Variants in HDAC4 observed in about 807,000 individuals in gnomAD.
HDAC4 encodes the protein histone deacetylase 4.
In HDAC4, 16 loss-of-function variants were observed where a neutral mutation model predicts 135.1. The ratio of observed to expected loss-of-function variants is 0.12; its 90% CI spans 0.08 to 0.18. The LOEUF is 0.18. HDAC4 is among the 10% of genes least tolerant of loss of function. HDAC4 has a pLI of 1.00. For synonymous variants in HDAC4, 685 were observed against 653.4 expected (o/e 1.05, Z -0.74); for missense variants, 1,143 against 1,511.8 (o/e 0.76, Z 4.05).
chr2:239,270,793 C>T (rs893189383), intron 2 of HDAC4, among the ~76,000 whole-genome samples: 2 of 152,154 alleles, frequency 1.3e-5, no homozygotes, highest in Non-Finnish European at 2.9e-5. Flanking sequence ...GTGAGCAGCA[C>T]GTGCAGACTT....
chr2:239,227,246 GC>G (rs1447449005), intron 3 of HDAC4, among the ~76,000 whole-genome samples: 5 of 152,192 alleles, frequency 3.3e-5, no homozygotes, highest in Admixed American at 2.6e-4. Flanking sequence ...GGCTGGCAGA[GC>G]CCAGGGACTA....
chr2:239,239,819 C>A (rs2048075830), intron 2 of HDAC4, among the ~76,000 whole-genome samples: 1 of 152,206 alleles, frequency 6.6e-6, no homozygotes, highest in African/African-American at 2.4e-5. Context: ...GAAGTGCCTG[C>A]CTCTCGCGGA....
intron 4 of HDAC4, among the ~76,000 whole-genome samples, chr2:239,179,719 T>A (rs2044018227): frequency 6.6e-6 from 1 of 152,166 alleles, no homozygotes; most frequent in South Asian, 2.1e-4. Flanking sequence ...TGAAAAGGAT[T>A]ACATCGGACG....
intron 12 of HDAC4, among the ~76,000 whole-genome samples, chr2:239,118,586 G>A (rs972259507): frequency 2.0e-5 from 3 of 152,204 alleles, no homozygotes; most frequent in African/African-American, 4.8e-5. Flanking sequence ...TGGTGGCCCC[G>A]ATATTCACGG....
At chr2:239,110,512 C>T (rs1040288900) in intron 14 of HDAC4, among the ~76,000 whole-genome samples, 2 of 152,174 alleles carry the variant, frequency 1.3e-5, no homozygotes, top group Non-Finnish European at 2.9e-5. Flanking sequence ...CTCCTGTGAC[C>T]TTCCATGGTT....
intron 9 of HDAC4, among the ~76,000 whole-genome samples, chr2:239,134,860 G>A (rs897200780): frequency 6.6e-6 from 1 of 152,170 alleles, no homozygotes; most frequent in Non-Finnish European, 1.5e-5. Flanking sequence ...CTCCCGATAC[G>A]AGTTCTTCTT....
chr2:239,053,288 GCTC>G, intron 26 of HDAC4, 152 bp from the exon 27 acceptor site: 1 of 1,312,894 alleles, frequency 7.6e-7, no homozygotes. Context: ...AGGATCTAAT[GCTC>G]CTCATGCGTC....
intron 1 of HDAC4, among the ~76,000 whole-genome samples, chr2:239,396,729 A>T (rs1359147825): frequency 6.6e-6 from 1 of 151,880 alleles, no homozygotes; most frequent in African/African-American, 2.4e-5. Context: ...TTTTTAAAAA[A>T]CTCTTATCCT....
In HDAC4 at chr2:239,190,062, G is replaced by C. The variant is rs761550650; in HGVS notation, c.110C>G (p.Ala37Gly). 6.9e-6 allele frequency: 11 copies of C among 1,600,950 alleles called. No individual in the cohort carries two copies. The highest frequency in any genetic ancestry group is 3.3e-5 in the South Asian group (3 of 90,984). The change falls in exon 4 of 27, where the codon GCG becomes GGG. Residue 37 changes from alanine (A) to glycine (G), a missense_variant. Physicochemically the swap from Ala to Gly is moderately conservative, Grantham distance 60. Transcript: ENST00000543185. ...HMPSTVDVAT[A>G]LPLQVAPSAV... ...CGAGGGGGCCACTTGCAGAGGCAGC[G>C]CCGTGGCCACATCCACTGTGGGAAA...
intron 16 of HDAC4, among the ~76,000 whole-genome samples, chr2:239,098,432 C>G (rs1326646939): frequency 1.3e-5 from 2 of 152,242 alleles, no homozygotes; most frequent in African/African-American, 4.8e-5. Context: ...AGGAGGCCCT[C>G]GCTGTGCCAA....
chr2:239,062,534 C>T (rs988513877), intron 24 of HDAC4, among the ~76,000 whole-genome samples: 4 of 152,230 alleles, frequency 2.6e-5, no homozygotes, highest in African/African-American at 9.6e-5. Flanking sequence ...TTGTTAGAAG[C>T]GCAAACACGC....
Position 239,361,403 on chromosome 2 carries a change from A to C in HDAC4, c.-219-8485T>G, listed in dbSNP as rs961399644. Among the ~76,000 whole-genome samples, 11 of 152,354 alleles carry C rather than the reference A, an allele frequency of 7.2e-5. No homozygotes were observed. The Middle Eastern group carries it at 0.014, about 188-fold the overall frequency. On this transcript the variant is annotated intron_variant, in intron 1 of 26. Coordinates refer to ENST00000543185, the MANE Select transcript of HDAC4 (RefSeq NM_001378414.1). Reference sequence around the variant, plus strand: ...AAATTCACAAGTTTGTGGTACTTTAAGCCTCAGGACTCCCAATGCCTCAGA... The same window carrying C: ...AAATTCACAAGTTTGTGGTACTTTACGCCTCAGGACTCCCAATGCCTCAGA...
At chr2:239,377,420 G>A (rs534775189) in intron 1 of HDAC4, among the ~76,000 whole-genome samples, 78 of 152,344 alleles carry the variant, frequency 5.1e-4, no homozygotes, top group African/African-American at 1.7e-3. Flanking sequence ...CACAGCACCT[G>A]TCACGAGGGC....
chr2:239,251,085 G>A (rs901317065), intron 2 of HDAC4, among the ~76,000 whole-genome samples: 6 of 152,212 alleles, frequency 3.9e-5, no homozygotes, highest in African/African-American at 1.4e-4. Flanking sequence ...GGGTGGAAAG[G>A]GCCTTTCCAC....
intron 2 of HDAC4, among the ~76,000 whole-genome samples, chr2:239,302,503 C>A (rs1488906987): frequency 6.6e-6 from 1 of 152,244 alleles, no homozygotes; most frequent in Non-Finnish European, 1.5e-5. Context: ...AACCTGGGGA[C>A]GGAACAGCTT....
intron 15 of HDAC4, among the ~76,000 whole-genome samples, chr2:239,103,870 T>G (rs567605770): frequency 6.6e-6 from 1 of 152,230 alleles, no homozygotes; most frequent in Non-Finnish European, 1.5e-5. Context: ...GTCCTGTCCA[T>G]GCAGGGTGGA....
intron 17 of HDAC4, 36 bp from the exon 18 acceptor site, chr2:239,090,152 C>A (rs974499528): frequency 6.8e-7 from 1 of 1,471,230 alleles, no homozygotes; most frequent in African/African-American, 1.4e-5. Flanking sequence ...GGTCACCCTC[C>A]CAGGCCACCG....
intron 3 of HDAC4, among the ~76,000 whole-genome samples, chr2:239,236,244 C>T (rs561573233): frequency 4.6e-5 from 7 of 152,350 alleles, no homozygotes; most frequent in Admixed American, 4.6e-4. Context: ...CAGCCCCGCC[C>T]ACTGCAAGCT....
intron 20 of HDAC4, among the ~76,000 whole-genome samples, chr2:239,083,921 C>A (rs1177995634): frequency 6.6e-6 from 1 of 152,244 alleles, no homozygotes; most frequent in Admixed American, 6.5e-5. Context: ...CTGCCGTCAC[C>A]CACAGGCACA....
Sources: allele counts gnomAD v4.1 joint callset (sites outside exome capture counted in the v4.1 genomes callset), GRCh38; gene constraint gnomAD v4.1.1; transcripts MANE v1.5; gene names NCBI Gene and HGNC (gene_info 2026-07-23, HGNC 2026-07-21).